The following NKAIN2 variants were observed in gnomAD, a reference collection of about 807,000 sequenced individuals.
The protein encoded by NKAIN2 is sodium/potassium-transporting ATPase subunit beta-1-interacting protein 2.
In NKAIN2, 14 loss-of-function variants were observed where a neutral mutation model predicts 32.6. That is an observed-to-expected ratio of 0.43 (90% CI 0.28 to 0.67). The LOEUF is 0.67. NKAIN2 is among the 30% of genes least tolerant of loss of function. NKAIN2 has a pLI of 0.17. For synonymous variants in NKAIN2, 80 were observed against 87.2 expected (o/e 0.92, Z 0.46); for missense variants, 198 against 258.3 (o/e 0.77, Z 1.60).
chr6:123,905,131 A>G lies in NKAIN2; in HGVS notation c.54+100877A>G, dbSNP rs75773587. On this transcript the variant is annotated intron_variant, in intron 1 of 6. Transcript: ENST00000368417. ...TGTGAAAAGTCTGAAATTTTTCTCT[A>G]CTTTCAGGCTAACAATTTATTTAGC... 4.9e-3 allele frequency among the ~76,000 whole-genome samples: 752 copies of G among 152,208 alleles called. 31 individuals are homozygous for G. In the East Asian group the frequency reaches 0.11, roughly 22 times the overall value.
chr6:123,976,304 TATGTTTCC>T lies in NKAIN2; in HGVS notation c.54+172053_54+172060del, dbSNP rs1237897697. 4.2e-3 allele frequency among the ~76,000 whole-genome samples: 385 copies of T among 92,268 alleles called. 49 individuals carry two copies. The highest frequency in any genetic ancestry group is 5.9e-3 in the Non-Finnish European group (260 of 43,758). 60.5% of individuals were successfully genotyped at this position (92,268 alleles called of 152,430 possible). On this transcript the variant is annotated intron_variant, in intron 1 of 6. Coordinates refer to ENST00000368417, the MANE Select transcript of NKAIN2 (RefSeq NM_001040214.3). ...GTTTCCATATATATGTTTCCATATATATGTTTCCATATATATATATGTTCCCATATATA... is the reference window on the plus strand; with the variant it reads ...GTTTCCATATATATGTTTCCATATATATATATATATATGTTCCCATATATA...
intron 2 of NKAIN2, among the ~76,000 whole-genome samples, chr6:124,354,444 T>C (rs745991508): frequency 3.3e-5 from 5 of 151,940 alleles, no homozygotes; most frequent in Non-Finnish European, 5.9e-5. Context: ...AGAGAGAAAA[T>C]AGAATAAATT....
At chr6:123,839,726 G>C (rs924954097) in intron 1 of NKAIN2, among the ~76,000 whole-genome samples, 8 of 152,096 alleles carry the variant, frequency 5.3e-5, no homozygotes, top group Non-Finnish European at 1.0e-4. Context: ...ATGGTTATAT[G>C]TTATTTCCAG....
At chr6:123,954,001 A>G (rs1777449309) in intron 1 of NKAIN2, among the ~76,000 whole-genome samples, 1 of 152,156 alleles carries the variant, frequency 6.6e-6, no homozygotes, top group Non-Finnish European at 1.5e-5. Flanking sequence ...GAATATGCAT[A>G]ACAGCTTTGC....
At chr6:123,841,734 A>G (rs1043456205) in intron 1 of NKAIN2, among the ~76,000 whole-genome samples, 1 of 152,154 alleles carries the variant, frequency 6.6e-6, no homozygotes, top group Admixed American at 6.5e-5. Flanking sequence ...CCAGGATGCT[A>G]TGGATTTTTA....
At chr6:124,573,765 T>A (rs1387980158) in intron 3 of NKAIN2, among the ~76,000 whole-genome samples, 1 of 152,178 alleles carries the variant, frequency 6.6e-6, no homozygotes, top group African/African-American at 2.4e-5. Flanking sequence ...TATAGCAGAC[T>A]AGTGATATAT....
intron 1 of NKAIN2, among the ~76,000 whole-genome samples, chr6:123,954,833 C>A (rs1446028717): frequency 6.6e-6 from 1 of 151,964 alleles, no homozygotes; most frequent in Non-Finnish European, 1.5e-5. Context: ...TCTTTTGGTA[C>A]CTAGGGGGTC....
At chr6:124,723,713 G>T (rs148924336) in intron 4 of NKAIN2, among the ~76,000 whole-genome samples, 169 of 152,258 alleles carry the variant, frequency 1.1e-3, no homozygotes, top group African/African-American at 3.8e-3. Flanking sequence ...CAAGTTAAAA[G>T]GTGCTTAATG....
chr6:123,904,595 T>A (rs1774767062), intron 1 of NKAIN2, among the ~76,000 whole-genome samples: 1 of 152,202 alleles, frequency 6.6e-6, no homozygotes. Context: ...GATGTTTTTC[T>A]CCAAAAGTGT....
At chr6:123,908,765 AC>A in intron 1 of NKAIN2, among the ~76,000 whole-genome samples, 1 of 152,296 alleles carries the variant, frequency 6.6e-6, no homozygotes, top group Admixed American at 6.5e-5. Flanking sequence ...TAAATTTTTT[AC>A]TTTTTGGAAA....
intron 1 of NKAIN2, among the ~76,000 whole-genome samples, chr6:124,135,673 C>A (rs918508028): frequency 1.3e-5 from 2 of 151,868 alleles, no homozygotes; most frequent in Admixed American, 6.6e-5. Context: ...GAAATCATAT[C>A]AAGTGTCATC....
intron 3 of NKAIN2, among the ~76,000 whole-genome samples, chr6:124,418,252 C>G (rs1291933737): frequency 6.6e-6 from 1 of 151,904 alleles, no homozygotes; most frequent in Non-Finnish European, 1.5e-5. Context: ...TAACTTGTAA[C>G]AAACCAGTTT....
chr6:124,787,242 A>C (rs1779547428), intron 4 of NKAIN2, among the ~76,000 whole-genome samples: 1 of 152,082 alleles, frequency 6.6e-6, no homozygotes, highest in Non-Finnish European at 1.5e-5. Flanking sequence ...CCGGGAGATG[A>C]AATAATCTGT....
At chr6:124,321,722 C>T (rs1797200047) in intron 2 of NKAIN2, among the ~76,000 whole-genome samples, 1 of 152,100 alleles carries the variant, frequency 6.6e-6, no homozygotes, top group Non-Finnish European at 1.5e-5. Flanking sequence ...CTAAGTGATT[C>T]ACAGGCTTGC....
chr6:124,197,993 T>C (rs1282348371), intron 1 of NKAIN2, among the ~76,000 whole-genome samples: 1 of 152,180 alleles, frequency 6.6e-6, no homozygotes, highest in East Asian at 1.9e-4. Flanking sequence ...ATCTGCCAGG[T>C]TACTAGTTTG....
At chr6:124,706,263 G>A (rs1299514749) in intron 4 of NKAIN2, among the ~76,000 whole-genome samples, 2 of 151,944 alleles carry the variant, frequency 1.3e-5, no homozygotes, top group Admixed American at 6.6e-5. Context: ...AGCCTATGAG[G>A]CCTAGGTAAT....
At chr6:124,377,698 C>T (rs1366970936) in intron 3 of NKAIN2, among the ~76,000 whole-genome samples, 2 of 152,072 alleles carry the variant, frequency 1.3e-5, no homozygotes, top group East Asian at 1.9e-4. Context: ...TGAAAATTCA[C>T]CATTGAACTT....
At chr6:124,586,503 C>T (rs1168039525) in intron 3 of NKAIN2, among the ~76,000 whole-genome samples, 1 of 151,912 alleles carries the variant, frequency 6.6e-6, no homozygotes, top group Non-Finnish European at 1.5e-5. Context: ...AGGCTTATTA[C>T]CTGGGTGACA....
At chr6:124,106,090 T>C (rs537832134) in intron 1 of NKAIN2, among the ~76,000 whole-genome samples, 1 of 152,316 alleles carries the variant, frequency 6.6e-6, no homozygotes, top group African/African-American at 2.4e-5. Flanking sequence ...GGGAGAAATA[T>C]GCTATGCTAG....
Sources: allele counts gnomAD v4.1 joint callset (sites outside exome capture counted in the v4.1 genomes callset), GRCh38; gene constraint gnomAD v4.1.1; transcripts MANE v1.5; gene names NCBI Gene and HGNC (gene_info 2026-07-23, HGNC 2026-07-21).